Variants in IRAK1BP1 observed in about 807,000 individuals in gnomAD.
IRAK1BP1 encodes the protein interleukin 1 receptor associated kinase 1 binding protein 1.
A neutral mutation model predicts 28.0 loss-of-function variants in IRAK1BP1; 24 were observed. The observed-to-expected ratio is 0.86, with a 90% CI of 0.62 to 1.20. The LOEUF (loss-of-function observed/expected upper bound fraction) is 1.20. Ranked by LOEUF, IRAK1BP1 falls within the 50% of genes most tolerant of loss-of-function variation. The probability of loss-of-function intolerance (pLI) is 0.00; values close to 1 mark genes in which losing one functional copy is unlikely to be tolerated. For missense variants in IRAK1BP1, 336 were observed against 316.7 expected (o/e 1.06, Z -0.46); for synonymous variants, 131 against 116.3 (o/e 1.13, Z -0.81).
chr6:78,884,968 A>G (rs971134874), intron 1 of IRAK1BP1, among the ~76,000 whole-genome samples: 2 of 152,056 alleles, frequency 1.3e-5, no homozygotes, highest in Non-Finnish European at 2.9e-5. Flanking sequence ...TCATCACCCA[A>G]TGTGCAGGTG....
the IRAK1BP1 span, chr6:78,961,852 C>A: frequency 1.4e-6 from 2 of 1,468,216 alleles, no homozygotes; most frequent in South Asian, 2.5e-5. Flanking sequence ...TTTTGTATGC[C>A]TAAAATAATT....
chr6:78,974,928 G>A, the IRAK1BP1 span, among the ~76,000 whole-genome samples: 5 of 151,464 alleles, frequency 3.3e-5, no homozygotes, highest in South Asian at 2.1e-4. Context: ...ATTCACAGCC[G>A]AATTCTACCA....
At chr6:78,921,570 A>G (rs1489324485) in intron 4 of IRAK1BP1, among the ~76,000 whole-genome samples, 5 of 152,170 alleles carry the variant, frequency 3.3e-5, no homozygotes, top group Non-Finnish European at 4.4e-5. Context: ...ACCTTTGAAG[A>G]GAGTAGTGGT....
the IRAK1BP1 span, chr6:78,978,587 A>C: frequency 1.3e-6 from 2 of 1,570,988 alleles, no homozygotes; most frequent in African/African-American, 1.3e-5. Flanking sequence ...AAACTTTTAA[A>C]GTACCTCATC....
downstream of IRAK1BP1, among the ~76,000 whole-genome samples, chr6:78,951,192 A>T (rs940366757): frequency 1.3e-5 from 2 of 152,166 alleles, no homozygotes; most frequent in Non-Finnish European, 2.9e-5. Flanking sequence ...AAAATATAAA[A>T]ATGATTTTTT....
the IRAK1BP1 span, among the ~76,000 whole-genome samples, chr6:78,974,769 C>A: frequency 6.6e-6 from 1 of 151,834 alleles, no homozygotes; most frequent in Non-Finnish European, 1.5e-5. Flanking sequence ...ACTAGAAAAT[C>A]TAGAAGAAAT....
chr6:78,916,412 T>C (rs1772562839), intron 4 of IRAK1BP1, among the ~76,000 whole-genome samples: 1 of 152,166 alleles, frequency 6.6e-6, no homozygotes, highest in Admixed American at 6.5e-5. Flanking sequence ...ATAATCCATA[T>C]GTAGAAGTCA....
Position 78,878,048 on chromosome 6 carries a change from G to A in IRAK1BP1, c.316-7330G>A, listed in dbSNP as rs557087335. 5.3e-5 allele frequency among the ~76,000 whole-genome samples: 8 copies of A among 152,186 alleles called. No homozygotes were observed. In the East Asian group the frequency reaches 1.5e-3, roughly 29 times the overall value. ...AGCTCAAGGAGACCTGCCTGCCACT[G>A]TAGACTCCACCTCTGGGGCAGGGCA... On this transcript the variant is annotated intron_variant, in intron 1 of 3. Transcript: ENST00000369940.
At chr6:78,946,316 A>T in exon 5 of IRAK1BP1, 1 of 1,506,136 alleles carries the variant, frequency 6.6e-7, no homozygotes, top group South Asian at 1.3e-5. Flanking sequence ...AACGAATAAA[A>T]CAGTTTATAA....
downstream of IRAK1BP1, chr6:78,947,001 C>A: frequency 1.9e-6 from 1 of 533,910 alleles, no homozygotes; most frequent in Non-Finnish European, 3.2e-6. Context: ...TTTTACATCC[C>A]TTTTTCCTAA....
chr6:78,873,254 CA>C (rs35962544), intron 1 of IRAK1BP1, among the ~76,000 whole-genome samples: 34 of 41,100 alleles, frequency 8.3e-4, no homozygotes, highest in South Asian at 4.6e-3. Context: ...AACTCTGTCT[CA>C]AAAAAAAAAA....
the IRAK1BP1 span, among the ~76,000 whole-genome samples, chr6:78,959,835 C>T: frequency 1.9e-4 from 29 of 152,060 alleles, no homozygotes; most frequent in Non-Finnish European, 3.2e-4. Context: ...TCCTGATAAA[C>T]CCACTGTAAA....
At chr6:78,878,703 G>A (rs775088639) in intron 1 of IRAK1BP1, among the ~76,000 whole-genome samples, 3 of 152,138 alleles carry the variant, frequency 2.0e-5, no homozygotes, top group East Asian at 1.9e-4. Context: ...AAACTTCTCC[G>A]ACCTAAAAGA....
downstream of IRAK1BP1, among the ~76,000 whole-genome samples, chr6:78,950,092 A>G (rs934772645): frequency 6.6e-6 from 1 of 152,106 alleles, no homozygotes; most frequent in Non-Finnish European, 1.5e-5. Flanking sequence ...CACAGAACAA[A>G]TGGGTGTGAA....
intron 4 of IRAK1BP1, among the ~76,000 whole-genome samples, chr6:78,912,665 C>T (rs999574574): frequency 6.6e-6 from 1 of 152,144 alleles, no homozygotes; most frequent in African/African-American, 2.4e-5. Flanking sequence ...ACCATGTCTA[C>T]TGGCAACAGA....
chr6:78,883,926 G>A (rs1771320187), intron 1 of IRAK1BP1, among the ~76,000 whole-genome samples: 1 of 152,078 alleles, frequency 6.6e-6, no homozygotes, highest in Non-Finnish European at 1.5e-5. Flanking sequence ...AGAAAAAAAT[G>A]TTATATATAA....
chr6:78,880,063 G>A (rs1441817538), intron 1 of IRAK1BP1, among the ~76,000 whole-genome samples: 1 of 152,170 alleles, frequency 6.6e-6, no homozygotes, highest in Non-Finnish European at 1.5e-5. Flanking sequence ...GTTGAGTGTA[G>A]ATCAAAAGAC....
the IRAK1BP1 span, among the ~76,000 whole-genome samples, chr6:78,961,294 A>G: frequency 6.6e-6 from 1 of 151,848 alleles, no homozygotes; most frequent in East Asian, 1.9e-4. Context: ...ACGAATACAA[A>G]ATTTTTATTA....
At position 78,900,242 on chromosome 6, in the gene IRAK1BP1, T is replaced by C. The variant is rs995976594; in HGVS notation, c.*1908T>C. On this transcript the variant is annotated 3_prime_UTR_variant, in exon 4 of 4. Coordinates refer to ENST00000369940, the MANE Select transcript of IRAK1BP1 (RefSeq NM_001010844.4). ...TTGAAAGTTAACAGCAAGTATGTAT[T>C]ACTGCTATCTACAGTAAGAATTACA... is the stretch of plus-strand genomic sequence containing the variant. 3.3e-5 allele frequency: 5 copies of C among 152,242 alleles called. No individual in the cohort carries two copies. Among genetic ancestry groups the C allele is most frequent in the African/African-American group, 1.2e-4 (5 of 41,466 alleles). The allele number at this position is 152,242 out of a possible 1,614,324, so 9.4% of individuals were successfully genotyped here.
Sources: gnomAD v4.1 joint callset for allele counts (sites outside exome capture counted in the v4.1 genomes callset) on GRCh38, gnomAD v4.1.1 for gene constraint, MANE v1.5 for transcripts, NCBI Gene and HGNC (gene_info 2026-07-23, HGNC 2026-07-21) for gene names.